Variants in ABTB3 observed in about 807,000 individuals in gnomAD.
ABTB3 encodes the protein ankyrin repeat and BTB domain containing 3, also known as ankyrin repeat- and BTB/POZ domain-containing protein 3.
chr12:107,495,411 C>T, the ABTB3 span, among the ~76,000 whole-genome samples: 1 of 152,190 alleles, frequency 6.6e-6, no homozygotes, highest in East Asian at 1.9e-4. Flanking sequence ...GATGGCCCGG[C>T]AGGCCAGTCC....
chr12:107,319,226 G>A, the ABTB3 span: 65 of 1,574,720 alleles, frequency 4.1e-5, no homozygotes, highest in Non-Finnish European at 5.3e-5. Flanking sequence ...GGACCTAGAC[G>A]AGGTCCCCTG....
chr12:107,524,577 A>T, the ABTB3 span, among the ~76,000 whole-genome samples: 1 of 152,336 alleles, frequency 6.6e-6, no homozygotes, highest in South Asian at 2.1e-4. Flanking sequence ...CCAGGGAACT[A>T]TGATAAGTGT....
the ABTB3 span, among the ~76,000 whole-genome samples, chr12:107,436,171 G>A: frequency 1.3e-5 from 2 of 152,202 alleles, no homozygotes; most frequent in Admixed American, 6.5e-5. Flanking sequence ...CCTAAGCCAT[G>A]GCAGAAGGGT....
the ABTB3 span, among the ~76,000 whole-genome samples, chr12:107,400,192 G>C: frequency 6.6e-6 from 1 of 151,996 alleles, no homozygotes; most frequent in East Asian, 1.9e-4. Flanking sequence ...TAATCCTTTG[G>C]GTATATACCA....
At chr12:107,508,457 T>G in the ABTB3 span, among the ~76,000 whole-genome samples, 5 of 128,278 alleles carry the variant, frequency 3.9e-5, no homozygotes, top group Non-Finnish European at 6.7e-5. Flanking sequence ...TTTTTTTTTT[T>G]TTTTTTTTTT....
the ABTB3 span, among the ~76,000 whole-genome samples, chr12:107,525,528 C>A: frequency 2.8e-3 from 425 of 152,290 alleles, 7 homozygotes; most frequent in East Asian, 0.026. Flanking sequence ...AGGCTACACC[C>A]TACAGCCTAG....
chr12:107,635,514 T>G, the ABTB3 span: 1 of 746,904 alleles, frequency 1.3e-6, no homozygotes. Context: ...AGTACAGGAG[T>G]CAGGCCGGGG....
At chr12:107,543,118 C>A in the ABTB3 span, among the ~76,000 whole-genome samples, 1 of 152,050 alleles carries the variant, frequency 6.6e-6, no homozygotes, top group Admixed American at 6.6e-5. Context: ...GGCAGATCAC[C>A]TGAGGTTAGG....
At chr12:107,613,093 A>C in the ABTB3 span, among the ~76,000 whole-genome samples, 2 of 152,324 alleles carry the variant, frequency 1.3e-5, no homozygotes, top group South Asian at 2.1e-4. Flanking sequence ...AGCTGCCTGC[A>C]TGTATGTTAT....
At chr12:107,439,007 C>T in the ABTB3 span, among the ~76,000 whole-genome samples, 2,048 of 152,270 alleles carry the variant, frequency 0.013, 18 homozygotes, top group Non-Finnish European at 0.02. Flanking sequence ...CATAAGGCTT[C>T]ACCCCTTTTA....
At chr12:107,407,811 G>GGA in the ABTB3 span, among the ~76,000 whole-genome samples, 9 of 152,052 alleles carry the variant, frequency 5.9e-5, no homozygotes, top group Non-Finnish European at 1.2e-4. Flanking sequence ...GGCGACTCAG[G>GGA]GAGGTCCTGC....
the ABTB3 span, chr12:107,649,282 A>G: frequency 5.6e-6 from 9 of 1,611,568 alleles, no homozygotes; most frequent in Non-Finnish European, 6.8e-6. Context: ...GAGGTAAGGG[A>G]TCCATTGTGG....
At chr12:107,642,241 A>G in the ABTB3 span, 1 of 1,441,564 alleles carries the variant, frequency 6.9e-7, no homozygotes, top group Non-Finnish European at 9.7e-7. Context: ...TCAGATCCTC[A>G]GCCTGAGGAT....
chr12:107,520,488 G>A, the ABTB3 span: 14 of 1,613,534 alleles, frequency 8.7e-6, no homozygotes, highest in African/African-American at 1.3e-4. Context: ...TGACTGCAGG[G>A]GTGCTGTGCC....
chr12:107,488,874 G>T, the ABTB3 span, among the ~76,000 whole-genome samples: 1 of 151,180 alleles, frequency 6.6e-6, no homozygotes. Flanking sequence ...GTGTGTAGAT[G>T]TTGAAGGCCT....
At chr12:107,630,515 C>T in the ABTB3 span, among the ~76,000 whole-genome samples, 1 of 152,082 alleles carries the variant, frequency 6.6e-6, no homozygotes, top group South Asian at 2.1e-4. Flanking sequence ...TGCCATGTTG[C>T]CTAGGCTGGC....
chr12:107,634,588 C>T, the ABTB3 span, among the ~76,000 whole-genome samples: 1 of 152,200 alleles, frequency 6.6e-6, no homozygotes, highest in African/African-American at 2.4e-5. Flanking sequence ...TCCTCCGATA[C>T]ACCTGAAGCT....
the ABTB3 span, among the ~76,000 whole-genome samples, chr12:107,590,702 T>C: frequency 6.6e-6 from 1 of 152,190 alleles, no homozygotes; most frequent in South Asian, 2.1e-4. Flanking sequence ...TTGGTACTTA[T>C]AGCAACACAG....
At chr12:107,320,400 G>A in the ABTB3 span, among the ~76,000 whole-genome samples, 2 of 152,346 alleles carry the variant, frequency 1.3e-5, no homozygotes, top group African/African-American at 4.8e-5. Flanking sequence ...GATCATTTGC[G>A]CTTAGTACAT....
Sources: allele counts gnomAD v4.1 joint callset (sites outside exome capture counted in the v4.1 genomes callset), GRCh38; gene constraint gnomAD v4.1.1; transcripts MANE v1.5; gene names NCBI Gene and HGNC (gene_info 2026-07-23, HGNC 2026-07-21).